OSTF1: variants seen among roughly 807,000 people sequenced by gnomAD.
The protein encoded by OSTF1 is osteoclast-stimulating factor 1.
A neutral mutation model predicts 37.2 loss-of-function variants in OSTF1; 27 were observed. The ratio of observed to expected loss-of-function variants is 0.73; its 90% CI spans 0.54 to 1.00. The LOEUF (loss-of-function observed/expected upper bound fraction) is 1.00. Ranked by LOEUF, OSTF1 falls within the 50% of genes least tolerant of loss-of-function variation. The pLI is 0.00. For missense variants in OSTF1, 232 were observed against 253.8 expected, an observed-to-expected ratio of 0.91 and a Z score of 0.58; for synonymous variants, 82 against 89.2, an observed-to-expected ratio of 0.92 and a Z score of 0.46.
chr9:75,128,275 C>G (rs1403343287), intron 3 of OSTF1, among the ~76,000 whole-genome samples: 1 of 144,650 alleles, frequency 6.9e-6, no homozygotes, highest in African/African-American at 2.5e-5. Flanking sequence ...TGGTAATTGG[C>G]CTAACCACAC....
intron 1 of OSTF1, among the ~76,000 whole-genome samples, chr9:75,105,152 A>G (rs777068908): frequency 6.6e-6 from 1 of 152,138 alleles, no homozygotes; most frequent in Non-Finnish European, 1.5e-5. Flanking sequence ...CCAACCAGTC[A>G]TTTCATATGG....
intron 3 of OSTF1, among the ~76,000 whole-genome samples, chr9:75,130,282 G>C (rs1825742447): frequency 6.6e-6 from 1 of 152,126 alleles, no homozygotes. Flanking sequence ...AAATCATATA[G>C]CTAGTCTAAA....
At chr9:75,120,374 G>T (rs1323928000) in intron 2 of OSTF1, among the ~76,000 whole-genome samples, 1 of 152,078 alleles carries the variant, frequency 6.6e-6, no homozygotes, top group Non-Finnish European at 1.5e-5. Context: ...CTTATCAGTT[G>T]TGTCCTGATT....
intron 9 of OSTF1, among the ~76,000 whole-genome samples, chr9:75,142,942 CTTTT>C (rs35793257): frequency 7.1e-6 from 1 of 141,604 alleles, no homozygotes. Flanking sequence ...TTGTTGTCCA[CTTTT>C]TTTTTTTTTT....
intron 7 of OSTF1, among the ~76,000 whole-genome samples, chr9:75,136,823 A>G (rs1170915920): frequency 1.3e-5 from 2 of 152,134 alleles, no homozygotes; most frequent in African/African-American, 2.4e-5. Flanking sequence ...AATGCTAATG[A>G]AAGTGACACT....
chr9:75,125,711 A>G (rs1044971966), intron 2 of OSTF1, among the ~76,000 whole-genome samples: 1 of 152,196 alleles, frequency 6.6e-6, no homozygotes, highest in Non-Finnish European at 1.5e-5. Flanking sequence ...TTCATGTATT[A>G]TGGTTGCTTA....
chr9:75,141,505 G>T (rs758697332), intron 9 of OSTF1, among the ~76,000 whole-genome samples: 2 of 151,856 alleles, frequency 1.3e-5, no homozygotes, highest in Non-Finnish European at 1.5e-5. Flanking sequence ...TAATCACCCT[G>T]CTTTCCATTA....
intron 8 of OSTF1, among the ~76,000 whole-genome samples, chr9:75,139,639 T>A (rs1825907994): frequency 6.6e-6 from 1 of 152,222 alleles, no homozygotes; most frequent in Non-Finnish European, 1.5e-5. Flanking sequence ...GTCAGGCTGG[T>A]CTTGAACTCC....
At position 75,140,922 on chromosome 9, in the gene OSTF1, A is replaced by G. The variant is rs774525755; in HGVS notation, c.576A>G (p.Lys192=). The stretch of plus-strand genomic sequence containing the variant: ...CCTGTGCATCTCTCCTGAAAAAGAA[A>G]CAGGGAACAGGTATTTGTTTTAAAT... The part of the protein sequence containing the change: ...NAACASLLKK[K]QGTDAVRTLS... Residue 192 remains lysine (K), a synonymous_variant, in exon 9 of 10, where the codon AAA becomes AAG. Transcript: ENST00000346234. 9 of 1,607,372 alleles carry G rather than the reference A, an allele frequency of 5.6e-6. No individual in the cohort carries two copies. The highest frequency in any genetic ancestry group is 3.3e-5 in the Admixed American group (2 of 59,984).
At chr9:75,140,487 A>T (rs1454402339) in intron 8 of OSTF1, among the ~76,000 whole-genome samples, 1 of 152,330 alleles carries the variant, frequency 6.6e-6, no homozygotes. Flanking sequence ...AGCACTATCC[A>T]CTTGGTCTTT....
At chr9:75,144,044 A>G (rs997582496) in intron 9 of OSTF1, among the ~76,000 whole-genome samples, 2 of 152,234 alleles carry the variant, frequency 1.3e-5, no homozygotes, top group African/African-American at 4.8e-5. Context: ...AACTTAGGAT[A>G]GTGGAGTAGA....
At chr9:75,132,986 CACACACACACACACACACACACACA>C (rs1564167139) in intron 5 of OSTF1, among the ~76,000 whole-genome samples, 3 of 87,122 alleles carry the variant, frequency 3.4e-5, no homozygotes, top group Non-Finnish European at 5.3e-5. Flanking sequence ...CACACACACA[CACACACACACACACACACACACACA>C]CCCCTATATA....
At chr9:75,128,660 G>T (rs1266622946) in intron 3 of OSTF1, among the ~76,000 whole-genome samples, 2 of 136,442 alleles carry the variant, frequency 1.5e-5, no homozygotes, top group African/African-American at 5.4e-5. Flanking sequence ...AGGGTAAATT[G>T]TTTTAAATCA....
intron 1 of OSTF1, among the ~76,000 whole-genome samples, chr9:75,108,239 ATAAAT>A (rs1323852707): frequency 1.3e-5 from 2 of 148,236 alleles, no homozygotes; most frequent in Non-Finnish European, 3.0e-5. Flanking sequence ...AAATAAATAA[ATAAAT>A]TAATTAATTA....
rs978558169 is a variant in OSTF1, at chr9:75,125,226, G to T, written c.82-2343G>T. ...ATGTGGGCGGGAGGTTGGGGCAGAG[G>T]TGGCTGCTGAGTCCAGCTGGGATGC... On this transcript the variant is annotated intron_variant, in intron 2 of 9. Coordinates refer to ENST00000346234, the MANE Select transcript of OSTF1 (RefSeq NM_012383.5). 2.6e-5 allele frequency among the ~76,000 whole-genome samples: 4 copies of T among 152,190 alleles called. No individual in the cohort carries two copies. In the East Asian group the frequency reaches 5.8e-4, roughly 22 times the overall value.
rs72732992 is a variant in OSTF1 at position 75,127,752 on chromosome 9, A to G, written c.132+133A>G. The G allele has an allele frequency of 8.0e-3, 4,192 of 524,068 alleles. 29 individuals carry two copies. Among genetic ancestry groups the G allele is most frequent in the Middle Eastern group, 0.017 (41 of 2,370 alleles). The allele number at this position is 524,068 out of a possible 1,614,324, so 32.5% of individuals were successfully genotyped here. Reference sequence around the variant, plus strand: ...GTCTGTTCATTTTAGCACAATTGATAGTAGCATAAGATTGAAAATAGCCCT... The same window carrying G: ...GTCTGTTCATTTTAGCACAATTGATGGTAGCATAAGATTGAAAATAGCCCT... On this transcript the variant is annotated intron_variant, in intron 3 of 9. Transcript: ENST00000346234.
At chr9:75,133,150 T>C (rs1825790952) in intron 5 of OSTF1, 144 bp from the exon 6 acceptor site, 3 of 569,856 alleles carry the variant, frequency 5.3e-6, no homozygotes, top group South Asian at 4.9e-5. Context: ...CCATAATAAA[T>C]GCATTAATGG....
In OSTF1 at chr9:75,131,772, G is replaced by T; in HGVS notation, c.199G>T (p.Ala67Ser). The T allele has an allele frequency of 6.2e-7, 1 of 1,613,076 alleles. No homozygotes were observed. The highest frequency in any genetic ancestry group is 8.5e-7 in the Non-Finnish European group (1 of 1,179,184). Reference sequence around the variant, plus strand: ...AACACTTTTTATTTTCAATCTAGTGGCTGAGCAGGCAGAATCCATTGACAA... The same window carrying T: ...AACACTTTTTATTTTCAATCTAGTGTCTGAGCAGGCAGAATCCATTGACAA... The part of the protein sequence containing the change: ...RTGLIPSNYV[A>S]EQAESIDNPL... The change falls in exon 5 of 10, where the codon GCT (alanine) becomes TCT (serine). Residue 67 changes from alanine to serine, a missense_variant and splice_region_variant. Physicochemically the swap from Ala to Ser is moderately conservative, Grantham distance 99. Coordinates refer to ENST00000346234, the MANE Select transcript of OSTF1 (RefSeq NM_012383.5).
intron 3 of OSTF1, among the ~76,000 whole-genome samples, chr9:75,128,867 T>A (rs1370317522): frequency 1.3e-5 from 2 of 151,900 alleles, no homozygotes; most frequent in Non-Finnish European, 2.9e-5. Context: ...AGGATCACAT[T>A]GTATTTTATC....
Sources: gnomAD v4.1 joint callset for allele counts (sites outside exome capture counted in the v4.1 genomes callset) on GRCh38, gnomAD v4.1.1 for gene constraint, MANE v1.5 for transcripts, NCBI Gene and HGNC (gene_info 2026-07-23, HGNC 2026-07-21) for gene names.